The following ADARB2 variants were observed in gnomAD, a reference collection of about 807,000 sequenced individuals.
ADARB2 encodes the protein adenosine deaminase RNA specific B2 (inactive).
ADARB2 carries 25 observed loss-of-function variants against 62.2 expected under a neutral mutation model. That is an observed-to-expected ratio of 0.40 (90% CI 0.29 to 0.56). The LOEUF (loss-of-function observed/expected upper bound fraction) is 0.56, where lower values mean the gene tolerates loss of function less well. ADARB2 is among the 20% of genes least tolerant of loss of function. The pLI is 0.43. For missense variants in ADARB2, 1,071 were observed against 1,077.4 expected, an observed-to-expected ratio of 0.99 and a Z score of 0.08; for synonymous variants, 572 against 500.8, an observed-to-expected ratio of 1.14 and a Z score of -1.90.
intron 1 of ADARB2, among the ~76,000 whole-genome samples, chr10:1,449,983 G>A (rs1007880511): frequency 1.3e-5 from 2 of 152,194 alleles, no homozygotes; most frequent in African/African-American, 2.4e-5. Context: ...TGACCCTGAC[G>A]GAGGGGCTGG....
intron 3 of ADARB2, among the ~76,000 whole-genome samples, chr10:1,318,419 C>A (rs74118225): frequency 6.6e-6 from 1 of 152,144 alleles, no homozygotes; most frequent in Non-Finnish European, 1.5e-5. Flanking sequence ...TGGGCTGGGC[C>A]GGAGGGATGT....
intron 6 of ADARB2, 98 bp from the exon 7 acceptor site, chr10:1,217,217 C>T (rs1347085958): frequency 3.2e-6 from 4 of 1,231,858 alleles, no homozygotes; most frequent in Non-Finnish European, 4.4e-6. Context: ...GTCAAAGGGC[C>T]CCTCACCATG....
Position 1,426,826 on chromosome 10 carries a change from TC to T in ADARB2, c.101-47667del, listed in dbSNP as rs371644520. 6.6e-5 allele frequency among the ~76,000 whole-genome samples: 10 copies of T among 152,284 alleles called. 1 individual carries two copies. The highest frequency in any genetic ancestry group is 2.4e-4 in the African/African-American group (10 of 41,558). ...TCCCTTCTATACCCTGCTTCTCCCT[TC>T]AGACAAGGGGCAGACTCCTAAGAAG... is the stretch of plus-strand genomic sequence containing the variant. On this transcript the variant is annotated intron_variant, in intron 1 of 9. Coordinates refer to ENST00000381312, the MANE Select transcript of ADARB2 (RefSeq NM_018702.4). The surrounding 1 kb of genome is among the most constrained non-coding windows in gnomAD (Gnocchi z 4.1).
In ADARB2 at chr10:1,373,760, T is replaced by TGC. The variant is rs1832395304; in HGVS notation, c.187+5312_187+5313dup. Among the ~76,000 whole-genome samples, 3 of 63,486 alleles carry TGC rather than the reference T, an allele frequency of 4.7e-5. No individual in the cohort carries two copies. In the Admixed American group the frequency reaches 6.8e-4, roughly 14 times the overall value. 41.6% of individuals were successfully genotyped at this position (63,486 alleles called of 152,430 possible). On this transcript the variant is annotated intron_variant, in intron 2 of 9. Coordinates refer to ENST00000381312, the MANE Select transcript of ADARB2 (RefSeq NM_018702.4). The stretch of plus-strand genomic sequence containing the variant: ...TGGAAAATTCCTGATGTGGACTCCA[T>TGC]GCACCTTTCCTAATGAGACCACGTG...
intron 1 of ADARB2, among the ~76,000 whole-genome samples, chr10:1,625,934 G>A (rs1490250781): frequency 2.5e-5 from 2 of 79,066 alleles, no homozygotes; most frequent in Non-Finnish European, 5.1e-5. Context: ...CATGGACACA[G>A]GCCTCCAGTG....
intron 1 of ADARB2, among the ~76,000 whole-genome samples, chr10:1,421,703 CTGTT>C (rs1042249611): frequency 2.4e-4 from 36 of 152,252 alleles, no homozygotes; most frequent in African/African-American, 8.4e-4. Context: ...TTAGTGTTGA[CTGTT>C]TGTTTTGTCC....
chr10:1,335,213 T>C (rs1279030652), intron 3 of ADARB2, among the ~76,000 whole-genome samples: 1 of 139,242 alleles, frequency 7.2e-6, no homozygotes, highest in East Asian at 2.1e-4. Context: ...AATGGATGGA[T>C]GGAGGGAGGG....
intron 1 of ADARB2, among the ~76,000 whole-genome samples, chr10:1,731,011 A>T (rs1171416288): frequency 6.6e-6 from 1 of 152,240 alleles, no homozygotes; most frequent in Non-Finnish European, 1.5e-5. Flanking sequence ...TCCACAGTGC[A>T]TATGGAGGGC....
At chr10:1,292,881 TGTCA>T (rs1187250093) in intron 3 of ADARB2, 2 of 151,610 alleles carry the variant, frequency 1.3e-5, no homozygotes, top group Admixed American at 1.3e-4. Context: ...TCTGGTTTCT[TGTCA>T]GTAACTGGAG....
At chr10:1,455,579 T>TA (rs1831086358) in intron 1 of ADARB2, among the ~76,000 whole-genome samples, 1 of 152,216 alleles carries the variant, frequency 6.6e-6, no homozygotes, top group African/African-American at 2.4e-5. Context: ...TTTCTTTCTC[T>TA]AAAAAAGTTT....
chr10:1,633,431 G>C (rs752599799), intron 1 of ADARB2, among the ~76,000 whole-genome samples: 1 of 152,160 alleles, frequency 6.6e-6, no homozygotes, highest in Admixed American at 6.5e-5. Flanking sequence ...GAGTGTGGAC[G>C]CTGAACTGAT....
intron 1 of ADARB2, among the ~76,000 whole-genome samples, chr10:1,707,128 C>A (rs1352550178): frequency 6.6e-6 from 1 of 152,208 alleles, no homozygotes; most frequent in Non-Finnish European, 1.5e-5. Context: ...AAAATATGCC[C>A]TTTTCCCCTG....
intron 1 of ADARB2, among the ~76,000 whole-genome samples, chr10:1,466,285 G>A (rs556342201): frequency 1.3e-5 from 2 of 152,330 alleles, no homozygotes; most frequent in South Asian, 2.1e-4. Flanking sequence ...CAGGCTCCTC[G>A]TGATAACAGG....
chr10:1,186,686 C>T, intron 8 of ADARB2: 2 of 433,776 alleles, frequency 4.6e-6, no homozygotes, highest in South Asian at 3.3e-5. Flanking sequence ...GCGGTGCCTG[C>T]AGAGAAGAAC....
At chr10:1,573,493 G>A (rs781531425) in intron 1 of ADARB2, among the ~76,000 whole-genome samples, 3 of 152,134 alleles carry the variant, frequency 2.0e-5, no homozygotes, top group African/African-American at 2.4e-5. Context: ...GAGCCAGGCC[G>A]GTGCCTCCAA....
At position 1,686,531 on chromosome 10, in the gene ADARB2, C is replaced by G. The variant is rs564261909; in HGVS notation, c.100+50520G>C. ...CAAGGCTGTGGATTGCTGATGGAGCCCATCAATCTTCCAGGAGTAGCCGAA... is the reference window on the plus strand; with the variant it reads ...CAAGGCTGTGGATTGCTGATGGAGCGCATCAATCTTCCAGGAGTAGCCGAA... On this transcript the variant is annotated intron_variant, in intron 1 of 9. Transcript: ENST00000381312. 1.8e-3 allele frequency among the ~76,000 whole-genome samples: 272 copies of G among 152,270 alleles called. 1 individual carries two copies. Among genetic ancestry groups the G allele is most frequent in the Non-Finnish European group, 2.8e-3 (191 of 68,030 alleles).
intron 1 of ADARB2, among the ~76,000 whole-genome samples, chr10:1,681,335 T>C (rs1277080043): frequency 1.3e-5 from 2 of 152,152 alleles, no homozygotes; most frequent in South Asian, 4.1e-4. Flanking sequence ...CCAGAACACA[T>C]GTGGTATGGT....
At chr10:1,690,582 T>C (rs1035282086) in intron 1 of ADARB2, among the ~76,000 whole-genome samples, 1 of 151,972 alleles carries the variant, frequency 6.6e-6, no homozygotes, top group African/African-American at 2.4e-5. Flanking sequence ...TGGTGAAAAA[T>C]AACTGGAAGG....
chr10:1,564,251 T>C (rs562198262), intron 1 of ADARB2, among the ~76,000 whole-genome samples: 1 of 152,290 alleles, frequency 6.6e-6, no homozygotes, highest in African/African-American at 2.4e-5. Flanking sequence ...CCACCAACAG[T>C]GTAAAAGTGT....
Sources: gnomAD v4.1 joint callset for allele counts (sites outside exome capture counted in the v4.1 genomes callset) on GRCh38, gnomAD v4.1.1 for gene constraint, Gnocchi (gnomAD v3.1) non-coding constraint, MANE v1.5 for transcripts, NCBI Gene and HGNC (gene_info 2026-07-23, HGNC 2026-07-21) for gene names.